The following UNC5C variants were observed in gnomAD, a reference collection of about 807,000 sequenced individuals.
The protein encoded by UNC5C is netrin receptor UNC5C.
Under a neutral mutation model 99.8 loss-of-function variants are expected in UNC5C, and 47 were observed. The observed-to-expected ratio is 0.47, with a 90% CI of 0.37 to 0.60. The LOEUF (loss-of-function observed/expected upper bound fraction) is 0.60. Among genes scored for constraint, UNC5C ranks in the 20% least tolerant of loss-of-function variants. The probability of loss-of-function intolerance (pLI) is 0.00; values close to 1 mark genes in which losing one functional copy is unlikely to be tolerated. For missense variants in UNC5C, 1,062 were observed against 1,165.9 expected (o/e 0.91, Z 1.30); for synonymous variants, 487 against 452.2 (o/e 1.08, Z -0.98).
At chr4:95,520,050 C>T (rs543507759) in intron 1 of UNC5C, among the ~76,000 whole-genome samples, 22 of 152,078 alleles carry the variant, frequency 1.4e-4, no homozygotes, top group Admixed American at 5.2e-4. Flanking sequence ...AGGAATCTCT[C>T]GCAACACTCC....
chr4:95,220,135 C>G lies in UNC5C; in HGVS notation c.1150G>C (p.Val384Leu). 1 of 1,614,056 alleles carries G rather than the reference C, an allele frequency of 6.2e-7. No individual in the cohort carries two copies. The highest frequency in any genetic ancestry group is 8.5e-7 in the Non-Finnish European group (1 of 1,179,968). ...SDDVALYVGI[V>L]IAVIVCLAIS... is the part of the protein sequence containing the mutation. Reference sequence around the variant, plus strand: ...GCCAGGCAAACGATCACTGCTATCACAATCCCAACATAGAGAGCAACATCA... The same window carrying G: ...GCCAGGCAAACGATCACTGCTATCAGAATCCCAACATAGAGAGCAACATCA... The change falls in exon 8 of 16, where the codon GTG becomes CTG. Residue 384 changes from valine (V) to leucine (L), a missense_variant. Coordinates refer to ENST00000453304, the MANE Select transcript of UNC5C (RefSeq NM_003728.4).
intron 1 of UNC5C, among the ~76,000 whole-genome samples, chr4:95,470,312 G>A (rs768734143): frequency 2.0e-5 from 3 of 152,042 alleles, no homozygotes; most frequent in Non-Finnish European, 4.4e-5. Context: ...CCAAGTATAA[G>A]TTAACCCACT....
chr4:95,317,029 A>G (rs1204853633), intron 2 of UNC5C, among the ~76,000 whole-genome samples: 2 of 152,098 alleles, frequency 1.3e-5, no homozygotes, highest in Non-Finnish European at 2.9e-5. Flanking sequence ...AAGCAAAAAT[A>G]AAAGGGAATG....
At chr4:95,185,264 G>C in intron 12 of UNC5C, 68 bp from the exon 13 acceptor site, 2 of 1,516,086 alleles carry the variant, frequency 1.3e-6, no homozygotes, top group South Asian at 1.3e-5. Context: ...CTCTCTCATT[G>C]AATAAGTTTC....
intron 1 of UNC5C, among the ~76,000 whole-genome samples, chr4:95,515,049 C>G (rs1034926459): frequency 6.6e-6 from 1 of 152,056 alleles, no homozygotes; most frequent in African/African-American, 2.4e-5. Context: ...TTAAATATAT[C>G]TAATTTGCAA....
intron 1 of UNC5C, among the ~76,000 whole-genome samples, chr4:95,485,745 T>C (rs2149479601): frequency 6.6e-6 from 1 of 151,932 alleles, no homozygotes; most frequent in African/African-American, 2.4e-5. Context: ...CATTTTTTCC[T>C]ATAATTTATT....
chr4:95,374,798 T>C (rs2149439938), intron 1 of UNC5C, among the ~76,000 whole-genome samples: 1 of 152,076 alleles, frequency 6.6e-6, no homozygotes, highest in Admixed American at 6.5e-5. Context: ...CAAGAGGACA[T>C]GAAAGAAGCA....
At chr4:95,267,439 C>T (rs189362495) in intron 4 of UNC5C, among the ~76,000 whole-genome samples, 1 of 152,132 alleles carries the variant, frequency 6.6e-6, no homozygotes, top group East Asian at 1.9e-4. Context: ...CTGTTTCTAA[C>T]AAGAGGGAGA....
intron 1 of UNC5C, among the ~76,000 whole-genome samples, chr4:95,401,726 A>G (rs1047809899): frequency 1.3e-5 from 2 of 152,190 alleles, no homozygotes; most frequent in African/African-American, 4.8e-5. Context: ...TTGGGGCATA[A>G]CAAGTAGCCC....
chr4:95,279,905 T>TGATGAACTGTC (rs1382908038), intron 3 of UNC5C, among the ~76,000 whole-genome samples: 13 of 152,124 alleles, frequency 8.5e-5, no homozygotes, highest in Admixed American at 7.9e-4. Context: ...CTGTTCCACC[T>TGATGAACTGTC]CAGATCATCA....
At chr4:95,388,820 G>T (rs146938610) in intron 1 of UNC5C, among the ~76,000 whole-genome samples, 108 of 152,226 alleles carry the variant, frequency 7.1e-4, no homozygotes, top group African/African-American at 2.3e-3. Context: ...ATTTCTAAAT[G>T]GTTCTGACTC....
At chr4:95,468,875 C>G (rs1054676801) in intron 1 of UNC5C, among the ~76,000 whole-genome samples, 2 of 152,108 alleles carry the variant, frequency 1.3e-5, no homozygotes, top group Admixed American at 1.3e-4. Flanking sequence ...AAAAGGCAGT[C>G]CCTTTTTGGC....
intron 1 of UNC5C, among the ~76,000 whole-genome samples, chr4:95,438,738 T>C (rs1407527813): frequency 2.0e-5 from 3 of 152,200 alleles, no homozygotes; most frequent in African/African-American, 7.2e-5. Flanking sequence ...ATCTGATGAA[T>C]CTAAGCACAC....
intron 1 of UNC5C, among the ~76,000 whole-genome samples, chr4:95,424,892 T>C (rs888856092): frequency 1.3e-5 from 2 of 151,988 alleles, no homozygotes; most frequent in Admixed American, 6.6e-5. Flanking sequence ...CTAACTTAAA[T>C]TCAAACCCAG....
intron 4 of UNC5C, among the ~76,000 whole-genome samples, chr4:95,276,780 GCTA>G (rs1345330211): frequency 6.6e-6 from 1 of 152,068 alleles, no homozygotes; most frequent in Non-Finnish European, 1.5e-5. Flanking sequence ...GAATGAAATA[GCTA>G]CTATCAAGCA....
intron 7 of UNC5C, among the ~76,000 whole-genome samples, chr4:95,226,940 C>G (rs1738722150): frequency 6.6e-6 from 1 of 151,900 alleles, no homozygotes; most frequent in South Asian, 2.1e-4. Context: ...AAGGATGGCC[C>G]AGAACAAAAT....
At chr4:95,385,392 T>C (rs1745185944) in intron 1 of UNC5C, among the ~76,000 whole-genome samples, 1 of 152,212 alleles carries the variant, frequency 6.6e-6, no homozygotes, top group Non-Finnish European at 1.5e-5. Flanking sequence ...AAATTCATTT[T>C]TGTCATCACT....
intron 3 of UNC5C, among the ~76,000 whole-genome samples, chr4:95,300,729 A>G (rs189389668): frequency 2.2e-4 from 34 of 152,302 alleles, no homozygotes; most frequent in African/African-American, 8.2e-4. Context: ...CCTTAAAACA[A>G]AAAATAAAAG....
chr4:95,531,411 T>C (rs1722640272), intron 1 of UNC5C, among the ~76,000 whole-genome samples: 1 of 152,232 alleles, frequency 6.6e-6, no homozygotes, highest in African/African-American at 2.4e-5. Context: ...CTCTCTGCGG[T>C]AATTATGCAG....
Sources: gnomAD v4.1 joint callset for allele counts (sites outside exome capture counted in the v4.1 genomes callset) on GRCh38, gnomAD v4.1.1 for gene constraint, MANE v1.5 for transcripts, NCBI Gene and HGNC (gene_info 2026-07-23, HGNC 2026-07-21) for gene names.